Variants in POMGNT1 observed in about 807,000 individuals in gnomAD.
POMGNT1 encodes the protein protein O-linked-mannose beta-1,2-N-acetylglucosaminyltransferase 1.
Under a neutral mutation model 95.6 loss-of-function variants are expected in POMGNT1, and 67 were observed. The observed-to-expected ratio is 0.70, with a 90% CI of 0.58 to 0.86. The LOEUF (loss-of-function observed/expected upper bound fraction) is 0.86. Among genes scored for constraint, POMGNT1 ranks in the 40% least tolerant of loss-of-function variants. The pLI, the probability that POMGNT1 is intolerant of heterozygous loss-of-function variation, is 0.00. For missense variants in POMGNT1, 719 were observed against 855.2 expected (o/e 0.84, Z 1.99); for synonymous variants, 298 against 317.9 (o/e 0.94, Z 0.66).
chr1:46,198,499 G>C (rs1213419960), upstream of POMGNT1: 1 of 151,524 alleles, frequency 6.6e-6, no homozygotes, highest in Non-Finnish European at 1.5e-5. Context: ...CGGGGTGAGA[G>C]GGCGACGGGC....
At chr1:46,216,240 G>A (rs1030265388) in intron 1 of POMGNT1, among the ~76,000 whole-genome samples, 5 of 151,802 alleles carry the variant, frequency 3.3e-5, no homozygotes, top group African/African-American at 1.2e-4. Flanking sequence ...TAGAGACGGG[G>A]TTTCACCGTG....
chr1:46,194,712 C>T (rs1044146414), intron 7 of POMGNT1, 61 bp from the exon 8 acceptor site: 15 of 1,614,024 alleles, frequency 9.3e-6, no homozygotes, highest in African/African-American at 2.7e-5. Context: ...GGCTTTTTCC[C>T]ATCTCCCTGC....
intron 6 of POMGNT1, among the ~76,000 whole-genome samples, chr1:46,195,167 C>T (rs550652478): frequency 6.6e-6 from 1 of 152,346 alleles, no homozygotes; most frequent in Non-Finnish European, 1.5e-5. Context: ...GTCCTTTCCA[C>T]AAACCCACAC....
At chr1:46,210,030 G>A (rs1658844383) in intron 1 of POMGNT1, among the ~76,000 whole-genome samples, 2 of 152,120 alleles carry the variant, frequency 1.3e-5, no homozygotes, top group African/African-American at 4.8e-5. Context: ...CAAGTTAATA[G>A]TCTGTACAGT....
chr1:46,202,922 T>TG (rs780396108), upstream of POMGNT1, among the ~76,000 whole-genome samples: 685 of 44,832 alleles, frequency 0.015, 29 homozygotes, highest in South Asian at 0.018. Flanking sequence ...GGGGGGGTGG[T>TG]GTGTGTGTGT....
chr1:46,197,668 C>A, intron 2 of POMGNT1, 34 bp downstream of exon 2: 2 of 1,613,448 alleles, frequency 1.2e-6, no homozygotes, highest in African/African-American at 2.7e-5. Flanking sequence ...TGGGAGGGAG[C>A]GCTCGGTGGG....
At chr1:46,210,264 CTG>C (rs558204802) in intron 1 of POMGNT1, among the ~76,000 whole-genome samples, 3 of 152,006 alleles carry the variant, frequency 2.0e-5, no homozygotes, top group Middle Eastern at 3.2e-3. Flanking sequence ...AAACCCTAAA[CTG>C]TGTGTGTGTG....
At chr1:46,203,731 C>A (rs934189658) in intron 1 of POMGNT1, 27 of 1,078,718 alleles carry the variant, frequency 2.5e-5, no homozygotes, top group Non-Finnish European at 3.4e-5. Context: ...TTAAAACTCT[C>A]CACCTAACTG....
chr1:46,215,733 CA>C (rs200177357), intron 1 of POMGNT1, among the ~76,000 whole-genome samples: 2 of 151,398 alleles, frequency 1.3e-5, no homozygotes, highest in East Asian at 1.9e-4. Flanking sequence ...ACCCCATCTA[CA>C]AAAAAAAATT....
chr1:46,208,068 C>A (rs530625991), intron 1 of POMGNT1, among the ~76,000 whole-genome samples: 1 of 151,876 alleles, frequency 6.6e-6, no homozygotes, highest in South Asian at 2.1e-4. Context: ...CCACGTTGGC[C>A]AGGCTGGTCT....
At chr1:46,216,622 A>C (rs1234411965) in intron 1 of POMGNT1, among the ~76,000 whole-genome samples, 1 of 152,156 alleles carries the variant, frequency 6.6e-6, no homozygotes, top group Admixed American at 6.6e-5. Context: ...AATTACAGGC[A>C]AGAGCCACCA....
At chr1:46,206,912 GGAT>G (rs538088015) in intron 1 of POMGNT1, among the ~76,000 whole-genome samples, 297 of 152,298 alleles carry the variant, frequency 2.0e-3, no homozygotes, top group African/African-American at 6.9e-3. Context: ...TTCTAGTACA[GGAT>G]GATAAGTGCT....
intron 20 of POMGNT1, 137 bp downstream of exon 20, chr1:46,189,717 A>G: frequency 6.5e-7 from 1 of 1,546,390 alleles, no homozygotes; most frequent in Admixed American, 2.0e-5. Context: ...TTGGACAAGG[A>G]GGTTGGAAGA....
chr1:46,207,268 A>G (rs1658745805), intron 1 of POMGNT1, among the ~76,000 whole-genome samples: 1 of 151,858 alleles, frequency 6.6e-6, no homozygotes, highest in African/African-American at 2.4e-5. Flanking sequence ...TTTAGTAGAG[A>G]CGGGATTTTG....
chr1:46,212,173 CT>C (rs1470639784), intron 1 of POMGNT1, among the ~76,000 whole-genome samples: 4 of 152,200 alleles, frequency 2.6e-5, no homozygotes, highest in Non-Finnish European at 4.4e-5. Context: ...AAAACATTTA[CT>C]GTGTTTGTGT....
intron 8 of POMGNT1, 48 bp from the exon 9 acceptor site, chr1:46,194,449 T>C (rs1250488332): frequency 6.2e-7 from 1 of 1,613,942 alleles, no homozygotes; most frequent in Non-Finnish European, 8.5e-7. Context: ...CAGCAAGGTT[T>C]GAAGAGCCCC....
At position 46,209,156 on chromosome 1, in the gene POMGNT1, C is replaced by G. The variant is rs143062789; in HGVS notation, c.-51+10549G>C. Among the ~76,000 whole-genome samples the G allele has an allele frequency of 3.3e-5, 5 of 152,180 alleles. No individual in the cohort carries two copies. In the East Asian group the frequency reaches 7.8e-4, roughly 24 times the overall value. On this transcript the variant is annotated intron_variant, in intron 1 of 22. Transcript: ENST00000371992. ...TCTCCTGCCTCAGCTTCCCAAGTAG[C>G]TGGGATTACAGGCATGTGACACCAT...
chr1:46,191,227 C>G lies in POMGNT1; in HGVS notation c.1540-443G>C, dbSNP rs1458960628. The G allele has an allele frequency of 2.5e-5, 7 of 278,348 alleles. No individual in the cohort carries two copies. In the Admixed American group the frequency reaches 3.3e-4, roughly 13 times the overall value. The allele number at this position is 278,348 out of a possible 1,614,324, so 17.2% of individuals were successfully genotyped here. ...GCCCCTCTCTGGGAGAGGAATGGGG[C>G]TCGCGTATTAGTCAGCCTCTGAGGG... is the stretch of plus-strand genomic sequence containing the variant. On this transcript the variant is annotated intron_variant, in intron 17 of 21. Coordinates refer to ENST00000371984, the MANE Select transcript of POMGNT1 (RefSeq NM_017739.4).
At chr1:46,210,143 A>G (rs758897473) in intron 1 of POMGNT1, among the ~76,000 whole-genome samples, 1 of 152,202 alleles carries the variant, frequency 6.6e-6, no homozygotes, top group Non-Finnish European at 1.5e-5. Flanking sequence ...TAGCAAATCC[A>G]TGTACCCAAT....
Sources: gnomAD v4.1 joint callset for allele counts (sites outside exome capture counted in the v4.1 genomes callset) on GRCh38, gnomAD v4.1.1 for gene constraint, MANE v1.5 for transcripts, NCBI Gene and HGNC (gene_info 2026-07-23, HGNC 2026-07-21) for gene names.